The following TEX2 variants were observed in gnomAD, a reference collection of about 807,000 sequenced individuals.
The protein encoded by TEX2 is testis expressed 2.
In TEX2, 53 loss-of-function variants were observed where a neutral mutation model predicts 106.9. The observed-to-expected ratio is 0.50, with a 90% CI of 0.40 to 0.62. The LOEUF (loss-of-function observed/expected upper bound fraction) is 0.62, where lower values mean the gene tolerates loss of function less well. TEX2 is among the 20% of genes least tolerant of loss of function. The pLI is 0.00. For missense variants in TEX2, 1,207 were observed against 1,379.0 expected, an observed-to-expected ratio of 0.88 and a Z score of 1.98; for synonymous variants, 523 against 534.8, an observed-to-expected ratio of 0.98 and a Z score of 0.30.
At chr17:64,224,193 A>G (rs1360339266) in intron 1 of TEX2, among the ~76,000 whole-genome samples, 3 of 152,236 alleles carry the variant, frequency 2.0e-5, no homozygotes, top group Middle Eastern at 3.2e-3. Context: ...GCTGCATTCT[A>G]TTGCAGAGGA....
At position 64,212,756 on chromosome 17, in the gene TEX2, T is replaced by C. The variant is rs1242120692; in HGVS notation, c.1462A>G (p.Ile488Val). Residue 488 changes from isoleucine to valine, a missense_variant, in exon 2 of 12, where the codon ATC (isoleucine) becomes GTC (valine). Physicochemically the swap from Ile to Val is conservative, Grantham distance 29. This residue lies in a region of TEX2 where 1,067 missense variants were observed against 1,193.6 expected (regional missense o/e 0.89). Transcript: ENST00000584379. ...FFIMCVYVYL[I>V]LPLPHYVSGL... ...CTCACATAGTGGGGGAGGGGGAGGA[T>C]GAGGTACACATAGACACACATTATA... is the stretch of plus-strand genomic sequence containing the variant. 3 of 1,614,006 alleles carry C rather than the reference T, an allele frequency of 1.9e-6. No individual in the cohort carries two copies. Among genetic ancestry groups the C allele is most frequent in the Non-Finnish European group, 2.5e-6 (3 of 1,179,998 alleles).
intron 11 of TEX2, chr17:64,150,361 G>A (rs1366020437): frequency 6.6e-6 from 1 of 152,342 alleles, no homozygotes; most frequent in Non-Finnish European, 1.5e-5. Flanking sequence ...GGGAGGGAGA[G>A]GCCAGATTCA....
intron 1 of TEX2, among the ~76,000 whole-genome samples, chr17:64,248,400 G>A (rs887875615): frequency 2.6e-5 from 4 of 152,172 alleles, no homozygotes; most frequent in Admixed American, 6.5e-5. Flanking sequence ...AGATGGGTAA[G>A]GACCTCATTT....
chr17:64,189,098 A>C (rs1228639860), intron 4 of TEX2, among the ~76,000 whole-genome samples: 1 of 107,902 alleles, frequency 9.3e-6, no homozygotes, highest in Non-Finnish European at 2.0e-5. Context: ...CCACAAGCTC[A>C]CAGCAATTCC....
intron 5 of TEX2, among the ~76,000 whole-genome samples, chr17:64,187,496 C>CTTCA (rs2032120489): frequency 6.6e-6 from 1 of 152,146 alleles, no homozygotes; most frequent in South Asian, 2.1e-4. Context: ...TTGATCCAGC[C>CTTCA]TTCACTATGA....
intron 7 of TEX2, among the ~76,000 whole-genome samples, chr17:64,168,978 G>C (rs988553368): frequency 6.7e-5 from 10 of 149,218 alleles, no homozygotes; most frequent in African/African-American, 2.0e-4. Flanking sequence ...GGGATTACAG[G>C]CCAGGGTGAT....
intron 7 of TEX2, among the ~76,000 whole-genome samples, chr17:64,161,550 T>C (rs1598122567): frequency 6.6e-6 from 1 of 152,306 alleles, no homozygotes; most frequent in South Asian, 2.1e-4. Context: ...TTCCCAGGAT[T>C]ATCCAGATAC....
At chr17:64,207,566 A>G (rs778047594) in intron 2 of TEX2, among the ~76,000 whole-genome samples, 3 of 152,190 alleles carry the variant, frequency 2.0e-5, no homozygotes, top group Non-Finnish European at 4.4e-5. Context: ...AACATTTTCA[A>G]TAAGTGGCTC....
At chr17:64,151,595 G>A (rs1198760358) in intron 10 of TEX2, among the ~76,000 whole-genome samples, 1 of 152,164 alleles carries the variant, frequency 6.6e-6, no homozygotes, top group Non-Finnish European at 1.5e-5. Flanking sequence ...CCTTAAATCT[G>A]TCCTGGACCA....
intron 10 of TEX2, 145 bp from the exon 11 acceptor site, chr17:64,151,106 A>C: frequency 1.0e-6 from 1 of 964,646 alleles, no homozygotes; most frequent in Non-Finnish European, 1.5e-6. Flanking sequence ...AAAATATTCC[A>C]CACACAAAGT....
chr17:64,189,994 AAAAAG>A (rs1179230785), intron 4 of TEX2, among the ~76,000 whole-genome samples: 11 of 149,728 alleles, frequency 7.3e-5, no homozygotes, highest in Admixed American at 2.6e-4. Flanking sequence ...CAAAAAAAAA[AAAAAG>A]AAAGAAAGAA....
At chr17:64,237,938 T>C (rs1310642980) in intron 1 of TEX2, among the ~76,000 whole-genome samples, 1 of 152,222 alleles carries the variant, frequency 6.6e-6, no homozygotes, top group Non-Finnish European at 1.5e-5. Flanking sequence ...ACCTGTTGAA[T>C]GACGAAGTAT....
At chr17:64,164,710 A>G (rs750534142) in intron 7 of TEX2, among the ~76,000 whole-genome samples, 30 of 152,344 alleles carry the variant, frequency 2.0e-4, no homozygotes, top group Middle Eastern at 6.8e-3. Context: ...GTATGTTTGA[A>G]GAAAAATAAA....
At chr17:64,218,717 G>A (rs1555632937) in intron 1 of TEX2, among the ~76,000 whole-genome samples, 1 of 152,070 alleles carries the variant, frequency 6.6e-6, no homozygotes, top group African/African-American at 2.4e-5. Flanking sequence ...ACACCCGGCA[G>A]CCTTTCACTT....
intron 7 of TEX2, among the ~76,000 whole-genome samples, chr17:64,170,622 C>T (rs372411067): frequency 5.9e-3 from 432 of 73,656 alleles, no homozygotes; most frequent in South Asian, 7.5e-3. Context: ...TATTCCAAAT[C>T]TTTTTTTTTT....
At chr17:64,154,328 A>G (rs1370084683) in intron 9 of TEX2, among the ~76,000 whole-genome samples, 4 of 149,060 alleles carry the variant, frequency 2.7e-5, no homozygotes, top group Non-Finnish European at 1.5e-5. Context: ...AAGCACTTTG[A>G]TCATTTCACA....
intron 5 of TEX2, among the ~76,000 whole-genome samples, chr17:64,178,239 A>C (rs2031694036): frequency 6.6e-6 from 1 of 152,142 alleles, no homozygotes; most frequent in Non-Finnish European, 1.5e-5. Context: ...CAAGTCTCCG[A>C]TTTCCTTGGC....
intron 1 of TEX2, among the ~76,000 whole-genome samples, chr17:64,228,394 T>A (rs34950766): frequency 3.9e-5 from 6 of 152,294 alleles, no homozygotes; most frequent in African/African-American, 1.4e-4. Flanking sequence ...CTCACAATAA[T>A]GTAGAATCAG....
intron 1 of TEX2, among the ~76,000 whole-genome samples, chr17:64,229,206 T>A (rs1196021104): frequency 2.0e-5 from 3 of 152,178 alleles, no homozygotes; most frequent in Non-Finnish European, 4.4e-5. Context: ...ATTTGTCCAA[T>A]TTACTCTCCT....
Sources: gnomAD v4.1 joint callset for allele counts (sites outside exome capture counted in the v4.1 genomes callset) on GRCh38, gnomAD v4.1.1 for gene constraint, gnomAD v4.1.1 regional missense constraint, MANE v1.5 for transcripts, NCBI Gene and HGNC (gene_info 2026-07-23, HGNC 2026-07-21) for gene names.